SYNJ2: variants seen among roughly 807,000 people sequenced by gnomAD.
The protein encoded by SYNJ2 is polyphosphatidylinositol phosphatase SYNJ2.
SYNJ2 carries 116 observed loss-of-function variants against 141.3 expected under a neutral mutation model. The observed-to-expected ratio is 0.82, with a 90% confidence interval of 0.71 to 0.96. SYNJ2 has a LOEUF of 0.96. Ranked by LOEUF, SYNJ2 falls within the 40% of genes least tolerant of loss-of-function variation. The probability of loss-of-function intolerance (pLI) is 0.00; values close to 1 mark genes in which losing one functional copy is unlikely to be tolerated. For synonymous variants in SYNJ2, 745 were observed against 777.7 expected (o/e 0.96, Z 0.70); for missense variants, 1,873 against 1,934.8 (o/e 0.97, Z 0.60).
At chr6:158,052,904 C>G (rs908983619) in intron 5 of SYNJ2, among the ~76,000 whole-genome samples, 4 of 152,182 alleles carry the variant, frequency 2.6e-5, no homozygotes, top group Admixed American at 6.5e-5. Context: ...CCAAATTGAT[C>G]ACTTGTCTCA....
Position 158,093,054 on chromosome 6 carries a change from C to A in SYNJ2, c.3694C>A (p.Pro1232Thr). 6.2e-7 allele frequency: 1 copy of A among 1,608,918 alleles called. No homozygotes were observed. Among genetic ancestry groups the A allele is most frequent in the Non-Finnish European group, 8.5e-7 (1 of 1,178,778 alleles). ...GCCCCCACTCCTTCCCCGTCGGCCC[C>A]CACCCAGAGTTCCTGCCATCAAGAA... ...QAPPLLPRRP[P>T]PRVPAIKKPT... The change falls in exon 26 of 27, where the codon CCA (proline) becomes ACA (threonine). Residue 1232 changes from proline (P) to threonine (T), a missense_variant. Coordinates refer to ENST00000355585, the MANE Select transcript of SYNJ2 (RefSeq NM_003898.4).
At chr6:158,024,435 C>T (rs9459162) in intron 2 of SYNJ2, among the ~76,000 whole-genome samples, 57,623 of 151,974 alleles carry the variant, frequency 0.38, 11,210 homozygotes, top group Middle Eastern at 0.5. Context: ...ACTGTCACCT[C>T]CCAGAGACCC....
chr6:158,049,214 G>A (rs1583406307), intron 5 of SYNJ2, among the ~76,000 whole-genome samples: 1 of 152,160 alleles, frequency 6.6e-6, no homozygotes, highest in Non-Finnish European at 1.5e-5. Context: ...CCAGATAAGA[G>A]TAGCTGGCCC....
chr6:157,985,195 G>A lies in SYNJ2; in HGVS notation c.127+3107G>A, dbSNP rs548525782. Reference sequence around the variant, plus strand: ...CTGGGCTGTGATTTTTAGGAAAAACGGATGGTCCATGATTCGTTGATTGCT... The same window carrying A: ...CTGGGCTGTGATTTTTAGGAAAAACAGATGGTCCATGATTCGTTGATTGCT... On this transcript the variant is annotated intron_variant, in intron 1 of 26. Coordinates refer to ENST00000355585, the MANE Select transcript of SYNJ2 (RefSeq NM_003898.4). Among the ~76,000 whole-genome samples, 74 of 152,364 alleles carry A rather than the reference G, an allele frequency of 4.9e-4. 2 individuals carry two copies. In the South Asian group the frequency reaches 0.014, roughly 29 times the overall value.
intron 11 of SYNJ2, among the ~76,000 whole-genome samples, 200 bp downstream of exon 11, chr6:158,065,191 G>A (rs1340885636): frequency 6.6e-6 from 1 of 152,212 alleles, no homozygotes; most frequent in Non-Finnish European, 1.5e-5. Context: ...CGCTTCCTCT[G>A]TCTCGGCTTG....
At chr6:158,015,281 G>T (rs1355348118) in intron 1 of SYNJ2, among the ~76,000 whole-genome samples, 1 of 152,196 alleles carries the variant, frequency 6.6e-6, no homozygotes, top group Non-Finnish European at 1.5e-5. Flanking sequence ...AACTGTGGGA[G>T]TCGAGGCAGC....
chr6:158,064,731 C>G lies in SYNJ2; in HGVS notation c.1340C>G (p.Ala447Gly). 5 of 1,613,908 alleles carry G rather than the reference C, an allele frequency of 3.1e-6. No homozygotes were observed. The highest frequency in any genetic ancestry group is 4.2e-6 in the Non-Finnish European group (5 of 1,180,018). Residue 447 changes from alanine to glycine, a missense_variant, in exon 10 of 27, where the codon GCC becomes GGC. Physicochemically the swap from Ala to Gly is moderately conservative, Grantham distance 60. Coordinates refer to ENST00000355585, the MANE Select transcript of SYNJ2 (RefSeq NM_003898.4). ...SLSKVFTGSR[A>G]LEGKAKVGKL... ...AGCAAGGTGTTCACAGGCAGCAGAGCCCTGGAAGGGAAGGCCAAGGTAGGG... is the reference window on the plus strand; with the variant it reads ...AGCAAGGTGTTCACAGGCAGCAGAGGCCTGGAAGGGAAGGCCAAGGTAGGG...
Position 158,070,270 on chromosome 6 carries a change from C to T in SYNJ2, c.1940+597C>T, listed in dbSNP as rs775480400. The T allele has an allele frequency of 1.0e-6, 1 of 985,476 alleles. No homozygotes were observed. Among genetic ancestry groups the T allele is most frequent in the Non-Finnish European group, 1.2e-6 (1 of 829,996 alleles). The allele number at this position is 985,476 out of a possible 1,614,324, so 61.0% of individuals were successfully genotyped here. On this transcript the variant is annotated intron_variant, in intron 14 of 26. Transcript: ENST00000355585. The surrounding 1 kb of genome is among the most constrained non-coding windows in gnomAD (Gnocchi z 4.0). ...GGCCTACCCATGGCTTTTGAATTTC[C>T]ACCAGCCTTTCGGCGAGCTGGCAGC...
Position 158,086,958 on chromosome 6 carries a change from A to G in SYNJ2, c.3312A>G (p.Pro1104=). The G allele has an allele frequency of 7.3e-7, 1 of 1,367,746 alleles. No individual in the cohort carries two copies. Among genetic ancestry groups the G allele is most frequent in the Non-Finnish European group, 1.0e-6 (1 of 984,012 alleles). The allele number at this position is 1,367,746 out of a possible 1,614,324, so 84.7% of individuals were successfully genotyped here. ...TGTCGGTCCCCAACCGGCCTCGGCC[A>G]CCTCAACCCCCGCAGAGACCCCCCC... ...RSLSVPNRPR[P]PQPPQRPPPP... The change falls in exon 23 of 27, where the codon CCA becomes CCG. Residue 1104 remains proline, a synonymous_variant. Coordinates refer to ENST00000355585, the MANE Select transcript of SYNJ2 (RefSeq NM_003898.4).
intron 16 of SYNJ2, among the ~76,000 whole-genome samples, chr6:158,075,532 TCAGGAGACTGAGG>T (rs2128381133): frequency 6.6e-6 from 1 of 151,696 alleles, no homozygotes; most frequent in Non-Finnish European, 1.5e-5. Flanking sequence ...TCCCAGCTAC[TCAGGAGACTGAGG>T]CAGGAGAATC....
rs550086811 is a variant in SYNJ2, at chr6:158,096,952, T to A, written c.*588T>A. On this transcript the variant is annotated 3_prime_UTR_variant, in exon 27 of 27. Coordinates refer to ENST00000355585, the MANE Select transcript of SYNJ2 (RefSeq NM_003898.4). Reference sequence around the variant, plus strand: ...GCCTTCATGTTTAAGTGTGTACATGTGCGTTAACCTTGATGATGCGTGAAT... The same window carrying A: ...GCCTTCATGTTTAAGTGTGTACATGAGCGTTAACCTTGATGATGCGTGAAT... 1 of 153,044 alleles carries A rather than the reference T, an allele frequency of 6.5e-6. No homozygotes were observed. Among genetic ancestry groups the A allele is most frequent in the South Asian group, 2.1e-4 (1 of 4,830 alleles). 9.5% of individuals were successfully genotyped at this position (153,044 alleles called of 1,614,324 possible). A position where few individuals can be genotyped will look rare whatever the true frequency, so the allele number is the denominator to read the frequency against.
intron 1 of SYNJ2, among the ~76,000 whole-genome samples, chr6:158,010,911 G>A (rs767359372): frequency 6.0e-5 from 9 of 148,868 alleles, no homozygotes; most frequent in East Asian, 6.0e-4. Context: ...GGATGGCCTC[G>A]TGATGACAGG....
chr6:158,072,666 G>A (rs1487035702), intron 15 of SYNJ2, among the ~76,000 whole-genome samples: 1 of 151,746 alleles, frequency 6.6e-6, no homozygotes. Context: ...ATTCCTGTTG[G>A]TGTTGTTTAT....
chr6:157,989,783 C>G (rs907522786), intron 1 of SYNJ2, among the ~76,000 whole-genome samples: 2 of 152,162 alleles, frequency 1.3e-5, no homozygotes, highest in African/African-American at 4.8e-5. Context: ...AACATGAGGC[C>G]TGGCAAACCC....
chr6:158,061,932 T>C, intron 7 of SYNJ2, 60 bp from the exon 8 acceptor site: 1 of 1,548,518 alleles, frequency 6.5e-7, no homozygotes, highest in Non-Finnish European at 8.8e-7. Context: ...TGCAAGGAGC[T>C]TGCCCTCCTC....
intron 1 of SYNJ2, among the ~76,000 whole-genome samples, chr6:158,003,554 C>G (rs929120542): frequency 2.0e-5 from 3 of 152,184 alleles, no homozygotes; most frequent in Non-Finnish European, 2.9e-5. Context: ...AAGAATGTGG[C>G]CACAAATGCT....
rs1427308107 is a variant in SYNJ2 at position 158,043,575 on chromosome 6, T to C, written c.795+176T>C. Among the ~76,000 whole-genome samples, 1 of 152,222 alleles carries C rather than the reference T, an allele frequency of 6.6e-6. No individual in the cohort carries two copies. Among genetic ancestry groups the C allele is most frequent in the South Asian group, 2.1e-4 (1 of 4,832 alleles). On this transcript the variant is annotated intron_variant, in intron 5 of 26. Coordinates refer to ENST00000355585, the MANE Select transcript of SYNJ2 (RefSeq NM_003898.4). The surrounding 1 kb of genome is among the most constrained non-coding windows in gnomAD (Gnocchi z 4.0). ...CAAAGTGTGCACACGTGTGTGCATA[T>C]GCATGCGTGCGTGTGTGTAGAAAAC...
chr6:158,065,315 C>T (rs1166654276), intron 11 of SYNJ2, among the ~76,000 whole-genome samples: 1 of 152,198 alleles, frequency 6.6e-6, no homozygotes, highest in Non-Finnish European at 1.5e-5. Context: ...GAAACTTCCT[C>T]AGCTGCCTGG....
At chr6:157,992,015 T>A (rs1269839285) in intron 1 of SYNJ2, among the ~76,000 whole-genome samples, 3 of 152,216 alleles carry the variant, frequency 2.0e-5, no homozygotes, top group African/African-American at 7.2e-5. Flanking sequence ...ATAGTAGGTA[T>A]ATATATTTAT....
Sources: gnomAD v4.1 joint callset for allele counts (sites outside exome capture counted in the v4.1 genomes callset) on GRCh38, gnomAD v4.1.1 for gene constraint, Gnocchi (gnomAD v3.1) non-coding constraint, MANE v1.5 for transcripts, NCBI Gene and HGNC (gene_info 2026-07-23, HGNC 2026-07-21) for gene names.